GFM2: variants seen among roughly 807,000 people sequenced by gnomAD.
GFM2 encodes ribosome-releasing factor 2, mitochondrial.
GFM2 carries 72 observed loss-of-function variants against 95.4 expected under a neutral mutation model. That is an observed-to-expected ratio of 0.76 (90% CI 0.62 to 0.92). The LOEUF (loss-of-function observed/expected upper bound fraction) is 0.92, where lower values mean the gene tolerates loss of function less well. GFM2 is among the 40% of genes least tolerant of loss of function. The probability of loss-of-function intolerance (pLI) is 0.00; values close to 1 mark genes in which losing one functional copy is unlikely to be tolerated. For missense variants in GFM2, 825 were observed against 924.1 expected, an observed-to-expected ratio of 0.89 and a Z score of 1.39; for synonymous variants, 276 against 317.5, an observed-to-expected ratio of 0.87 and a Z score of 1.39.
chr5:74,745,077 G>A (rs186221220), intron 10 of GFM2, among the ~76,000 whole-genome samples: 3 of 152,182 alleles, frequency 2.0e-5, no homozygotes, highest in East Asian at 1.9e-4. Context: ...AGTGGCTCAC[G>A]CTGGTAATCC....
At chr5:74,759,265 G>A (rs1744156128) in intron 4 of GFM2, 104 bp downstream of exon 4, 3 of 727,354 alleles carry the variant, frequency 4.1e-6, no homozygotes, top group East Asian at 2.6e-5. Context: ...ATTGGCTAGG[G>A]CAGAAAGTCA....
At position 74,738,182 on chromosome 5, in the gene GFM2, C is replaced by T. The variant is rs1027888252; in HGVS notation, c.1320+136G>A. 7.5e-6 allele frequency: 5 copies of T among 667,694 alleles called. No individual in the cohort carries two copies. The East Asian group carries it at 1.4e-4, about 18-fold the overall frequency. The allele number at this position is 667,694 out of a possible 1,614,324, so 41.4% of individuals were successfully genotyped here. ...AATGTATGAGATTCAGCCATGTTGA[C>T]AAATATGCCATAATATTCTTTATTC... On this transcript the variant is annotated intron_variant, in intron 14 of 20. Coordinates refer to ENST00000296805, the MANE Select transcript of GFM2 (RefSeq NM_032380.5).
intron 17 of GFM2, among the ~76,000 whole-genome samples, chr5:74,728,807 A>C (rs973109226): frequency 2.6e-5 from 3 of 114,356 alleles, no homozygotes; most frequent in African/African-American, 3.4e-5. Flanking sequence ...CCTGGGTTGG[A>C]GTGTAATGGC....
At chr5:74,766,729 TAC>T (rs546062169) in intron 1 of GFM2, among the ~76,000 whole-genome samples, 55 of 152,198 alleles carry the variant, frequency 3.6e-4, no homozygotes, top group Non-Finnish European at 7.2e-4. Flanking sequence ...ATGCACACAT[TAC>T]ACAGAGTGAC....
At chr5:74,766,070 C>T (rs1744577810) in intron 1 of GFM2, among the ~76,000 whole-genome samples, 1 of 152,150 alleles carries the variant, frequency 6.6e-6, no homozygotes, top group South Asian at 2.1e-4. Context: ...CTTTGGGAGG[C>T]CGAGGCGGGT....
chr5:74,722,350 T>C (rs549225329), intron 20 of GFM2, 29 bp downstream of exon 20: 1 of 1,565,464 alleles, frequency 6.4e-7, no homozygotes, highest in Admixed American at 1.7e-5. Flanking sequence ...TTAAGAAGAA[T>C]ATGTACTTTT....
Position 74,766,935 on chromosome 5 carries a change from C to T in GFM2, c.-25+3G>A, listed in dbSNP as rs954067561. On this transcript the variant is annotated splice_donor_region_variant and intron_variant, in intron 1 of 20. Transcript: ENST00000296805. The stretch of plus-strand genomic sequence containing the variant: ...ATGTCTCACAGCTCGGAGCAGTACT[C>T]ACCTGGCATTAGGCCGCGTGCCGCA... 1 of 175,870 alleles carries T rather than the reference C, an allele frequency of 5.7e-6. No individual in the cohort carries two copies. The highest frequency in any genetic ancestry group is 1.2e-5 in the Non-Finnish European group (1 of 80,688). 10.9% of individuals were successfully genotyped at this position (175,870 alleles called of 1,614,324 possible). A position where few individuals can be genotyped will look rare whatever the true frequency, so the allele number is the denominator to read the frequency against.
chr5:74,747,505 T>C (rs895602180), intron 8 of GFM2, among the ~76,000 whole-genome samples, 187 bp downstream of exon 8: 5 of 152,220 alleles, frequency 3.3e-5, no homozygotes, highest in African/African-American at 9.6e-5. Context: ...TACTCCCAAA[T>C]TGTTATATAA....
chr5:74,742,103 G>A (rs1304796843), intron 10 of GFM2, among the ~76,000 whole-genome samples: 2 of 152,144 alleles, frequency 1.3e-5, no homozygotes, highest in African/African-American at 2.4e-5. Context: ...GAAGGGAGGC[G>A]TAGGCAATAT....
intron 1 of GFM2, chr5:74,765,153 C>T (rs1318613647): frequency 5.4e-6 from 6 of 1,112,112 alleles, no homozygotes; most frequent in Non-Finnish European, 1.1e-6. Flanking sequence ...ACAGTTGTGA[C>T]TGTAATAGAC....
Position 74,760,930 on chromosome 5 carries a change from C to A in GFM2, c.120G>T (p.Pro40=), listed in dbSNP as rs368688699. The A allele has an allele frequency of 6.2e-7, 1 of 1,610,218 alleles. No individual in the cohort carries two copies. The highest frequency in any genetic ancestry group is 1.1e-5 in the South Asian group (1 of 90,796). ...GTAGAGAACTGCAATTTCTTCCAAGCGGCACATGTGGCTTTAATCTTTTTA... is the reference window on the plus strand; with the variant it reads ...GTAGAGAACTGCAATTTCTTCCAAGAGGCACATGTGGCTTTAATCTTTTTA... ...ASLKRLKPHV[P]LGRNCSSLPG... is the part of the protein sequence containing the mutation. Residue 40 remains proline (P), a synonymous_variant, in exon 3 of 21, where the codon CCG becomes CCT. Transcript: ENST00000296805.
Position 74,721,758 on chromosome 5 carries a change from A to C in GFM2, c.2237T>G (p.Leu746Arg). The C allele has an allele frequency of 6.2e-7, 1 of 1,613,244 alleles. No individual in the cohort carries two copies. The highest frequency in any genetic ancestry group is 1.1e-5 in the South Asian group (1 of 90,860). The part of the protein sequence containing the change: ...IMGYSTVLRT[L>R]TSGSATFALE... ...GGCAAAAGTAGCTGAGCCTGATGTT[A>C]GCGTTCGAAGCACAGTTGAATAACC... Residue 746 changes from leucine (L) to arginine (R), a missense_variant, in exon 21 of 21, where the codon CTA becomes CGA. Coordinates refer to ENST00000296805, the MANE Select transcript of GFM2 (RefSeq NM_032380.5).
intron 10 of GFM2, among the ~76,000 whole-genome samples, chr5:74,743,357 T>A (rs963089507): frequency 1.3e-5 from 2 of 152,226 alleles, no homozygotes; most frequent in Admixed American, 6.5e-5. Context: ...GCCGCAACAT[T>A]TACATTCCTA....
At position 74,760,906 on chromosome 5, in the gene GFM2, T is replaced by C. The variant is rs754801786; in HGVS notation, c.144A>G (p.Leu48=). Residue 48 remains leucine, a synonymous_variant, in exon 3 of 21, where the codon CTA becomes CTG. Coordinates refer to ENST00000296805, the MANE Select transcript of GFM2 (RefSeq NM_032380.5). ...AGAAGACTCTAACATTTGTACCTGG[T>C]AGAGAACTGCAATTTCTTCCAAGCG... ...HVPLGRNCSS[L]PGLIGNDIKS... 19 of 1,593,378 alleles carry C rather than the reference T, an allele frequency of 1.2e-5. No homozygotes were observed. In the East Asian group the frequency reaches 4.0e-4, roughly 34 times the overall value.
chr5:74,734,235 A>G (rs911073258), intron 15 of GFM2, among the ~76,000 whole-genome samples: 6 of 152,076 alleles, frequency 3.9e-5, no homozygotes, highest in Non-Finnish European at 8.8e-5. Context: ...AGAATGTAAA[A>G]TATCTCAGTA....
At chr5:74,734,225 AG>A (rs1742715079) in intron 15 of GFM2, among the ~76,000 whole-genome samples, 1 of 152,140 alleles carries the variant, frequency 6.6e-6, no homozygotes, top group Non-Finnish European at 1.5e-5. Flanking sequence ...TGTGAAAAAA[AG>A]AATGTAAAAT....
In GFM2 at chr5:74,728,748, C is replaced by CTTTTTTTTT. The variant is rs57180600; in HGVS notation, c.1726+1503_1726+1511dup. 1.2e-4 allele frequency among the ~76,000 whole-genome samples: 7 copies of CTTTTTTTTT among 58,244 alleles called. 1 individual carries two copies. Among genetic ancestry groups the CTTTTTTTTT allele is most frequent in the African/African-American group, 1.8e-4 (3 of 16,248 alleles). The allele number at this position is 58,244 out of a possible 152,430, so 38.2% of individuals were successfully genotyped here. A position where few individuals can be genotyped will look rare whatever the true frequency, so the allele number is the denominator to read the frequency against. On this transcript the variant is annotated intron_variant, in intron 17 of 20. Coordinates refer to ENST00000296805, the MANE Select transcript of GFM2 (RefSeq NM_032380.5). ...AATATTCTTTTATGTGTGGGGGTTTCTTTTTTTTTTTTTTTTTTTTTTTTT... is the reference window on the plus strand; with the variant it reads ...AATATTCTTTTATGTGTGGGGGTTTCTTTTTTTTTTTTTTTTTTTTTTTTTTTTTTTTTT...
chr5:74,725,560 A>G, intron 19 of GFM2, 80 bp downstream of exon 19: 1 of 911,866 alleles, frequency 1.1e-6, no homozygotes, highest in Non-Finnish European at 1.8e-6. Flanking sequence ...AGGCTCTGTA[A>G]ACACAGCTGT....
At chr5:74,755,806 AT>A (rs1450123184) in intron 5 of GFM2, among the ~76,000 whole-genome samples, 1 of 152,218 alleles carries the variant, frequency 6.6e-6, no homozygotes, top group Non-Finnish European at 1.5e-5. Context: ...ATTGGCACCA[AT>A]TCTATTGATG....
Sources: gnomAD v4.1 joint callset for allele counts (sites outside exome capture counted in the v4.1 genomes callset) on GRCh38, gnomAD v4.1.1 for gene constraint, MANE v1.5 for transcripts, NCBI Gene and HGNC (gene_info 2026-07-23, HGNC 2026-07-21) for gene names.